The following RLF variants were observed in gnomAD, a reference collection of about 807,000 sequenced individuals.
RLF encodes RLF zinc finger, also known as zinc finger protein Rlf.
Under a neutral mutation model 162.9 loss-of-function variants are expected in RLF, and 7 were observed. The ratio of observed to expected loss-of-function variants is 0.04; its 90% CI spans 0.02 to 0.08. RLF has a LOEUF of 0.08. Ranked by LOEUF, RLF falls within the 10% of genes least tolerant of loss-of-function variation. The pLI is 1.00. For synonymous variants in RLF, 782 were observed against 791.5 expected, an observed-to-expected ratio of 0.99 and a Z score of 0.20; for missense variants, 1,664 against 2,244.7, an observed-to-expected ratio of 0.74 and a Z score of 5.23.
At position 40,217,772 on chromosome 1, in the gene RLF, AAAAG is replaced by A. The variant is rs750970840; in HGVS notation, c.811-4782_811-4779del. On this transcript the variant is annotated intron_variant, in intron 5 of 7. Coordinates refer to ENST00000372771, the MANE Select transcript of RLF (RefSeq NM_012421.4). ...GGGCAACAGAGCAATCCGTCTCAAA[AAAAG>A]AAAGAAAGAAAGAAAGAAAAACCCA... is the stretch of plus-strand genomic sequence containing the variant. Among the ~76,000 whole-genome samples, 67 of 152,240 alleles carry A rather than the reference AAAAG, an allele frequency of 4.4e-4. 2 individuals are homozygous for A. Among genetic ancestry groups the A allele is most frequent in the South Asian group, 3.5e-3 (17 of 4,824 alleles).
At chr1:40,178,246 C>G (rs1477179986) in intron 1 of RLF, among the ~76,000 whole-genome samples, 2 of 151,990 alleles carry the variant, frequency 1.3e-5, no homozygotes, top group African/African-American at 2.4e-5. Flanking sequence ...GTGTCTCATT[C>G]TGGATTCTAT....
At chr1:40,235,139 T>C (rs1643201075) in intron 7 of RLF, among the ~76,000 whole-genome samples, 2 of 142,858 alleles carry the variant, frequency 1.4e-5, no homozygotes, top group South Asian at 4.7e-4. Flanking sequence ...TTGGCTAAAC[T>C]GCAACCTCCA....
At chr1:40,196,935 G>C (rs1642646095) in intron 4 of RLF, among the ~76,000 whole-genome samples, 1 of 152,200 alleles carries the variant, frequency 6.6e-6, no homozygotes, top group Non-Finnish European at 1.5e-5. Context: ...TTTACGTCAA[G>C]TTAGTGGAAA....
At position 40,238,221 on chromosome 1, in the gene RLF, G is replaced by T; in HGVS notation, c.3519G>T (p.Gln1173His). Residue 1173 changes from glutamine (Q) to histidine (H), a missense_variant, in exon 8 of 8, where the codon CAG (glutamine) becomes CAT (histidine). By Grantham distance (24) the Gln-to-His change is conservative. Coordinates refer to ENST00000372771, the MANE Select transcript of RLF (RefSeq NM_012421.4). The surrounding 1 kb of genome is among the most constrained non-coding windows in gnomAD (Gnocchi z 5.2). ...TMFQHRYSPFQCHICQRSFTR... is the reference protein window; with the variant it reads ...TMFQHRYSPFHCHICQRSFTR... ...TCCAACATCGGTATTCCCCATTTCA[G>T]TGTCATATTTGCCAAAGGTCATTTA... 6.2e-7 allele frequency: 1 copy of T among 1,614,070 alleles called. No homozygotes were observed. The highest frequency in any genetic ancestry group is 1.1e-5 in the South Asian group (1 of 91,086).
rs972958647 is a variant in RLF, at chr1:40,240,093, A to G, written c.5391A>G (p.Thr1797=). 4 of 1,613,982 alleles carry G rather than the reference A, an allele frequency of 2.5e-6. No homozygotes were observed. In the African/African-American group the frequency reaches 4.0e-5, roughly 16 times the overall value. ...ATTGGGAGCCTTCAGAGCACTTAACATTAAGTAATTCTTCACAGTCCAGTA... is the reference window on the plus strand; with the variant it reads ...ATTGGGAGCCTTCAGAGCACTTAACGTTAAGTAATTCTTCACAGTCCAGTA... ...FDDWEPSEHL[T]LSNSSQSSND... is the part of the protein sequence containing the mutation. The change falls in exon 8 of 8, where the codon ACA becomes ACG. Residue 1797 remains threonine (T), a synonymous_variant. Coordinates refer to ENST00000372771, the MANE Select transcript of RLF (RefSeq NM_012421.4).
At chr1:40,193,378 C>CT (rs1327552876) in intron 3 of RLF, among the ~76,000 whole-genome samples, 2 of 152,082 alleles carry the variant, frequency 1.3e-5, no homozygotes, top group Admixed American at 1.3e-4. Context: ...GTATTTTGAA[C>CT]TTTAACAAAT....
chr1:40,221,349 A>G (rs1034335191), intron 5 of RLF, among the ~76,000 whole-genome samples: 1 of 152,130 alleles, frequency 6.6e-6, no homozygotes, highest in African/African-American at 2.4e-5. Flanking sequence ...ATACAGTAAA[A>G]CTTATTTGAA....
intron 1 of RLF, among the ~76,000 whole-genome samples, chr1:40,165,266 TCTTTA>T (rs1395629293): frequency 2.6e-5 from 4 of 152,224 alleles, no homozygotes; most frequent in Non-Finnish European, 4.4e-5. Context: ...ATTCAGGAGT[TCTTTA>T]CTTGGAGTCA....
intron 6 of RLF, among the ~76,000 whole-genome samples, chr1:40,230,745 G>T (rs1643142596): frequency 6.6e-6 from 1 of 152,022 alleles, no homozygotes; most frequent in Non-Finnish European, 1.5e-5. Flanking sequence ...CCTCTTTTTA[G>T]TTTTGCTATT....
In RLF at chr1:40,202,435, G is replaced by A. The variant is rs1190110523; in HGVS notation, c.631G>A (p.Gly211Arg). The change falls in exon 5 of 8, where the codon GGA (glycine) becomes AGA (arginine). Residue 211 changes from glycine to arginine, a missense_variant. Gly to Arg is a moderately radical substitution (Grantham distance 125). Transcript: ENST00000372771. The part of the protein sequence containing the change: ...EEVNKLIAQE[G>R]PSFLQMRIKH... ...AGTCAATAAATTGATTGCACAAGAAGGACCTTCCTTTCTGCAAATGCGAAT... is the reference window on the plus strand; with the variant it reads ...AGTCAATAAATTGATTGCACAAGAAAGACCTTCCTTTCTGCAAATGCGAAT... 1 of 1,575,044 alleles carries A rather than the reference G, an allele frequency of 6.3e-7. No homozygotes were observed. The highest frequency in any genetic ancestry group is 1.4e-5 in the African/African-American group (1 of 72,254).
intron 1 of RLF, among the ~76,000 whole-genome samples, chr1:40,171,075 A>G (rs997995394): frequency 2.0e-5 from 3 of 152,140 alleles, no homozygotes; most frequent in African/African-American, 7.2e-5. Flanking sequence ...TGCTCAGGCT[A>G]GAATGCAGTG....
At chr1:40,194,105 T>G (rs2124537559) in intron 3 of RLF, among the ~76,000 whole-genome samples, 1 of 152,284 alleles carries the variant, frequency 6.6e-6, no homozygotes, top group Middle Eastern at 3.4e-3. Flanking sequence ...CCCTCACCCT[T>G]GAATATAAGA....
At chr1:40,203,535 C>T (rs937593979) in intron 5 of RLF, among the ~76,000 whole-genome samples, 1 of 150,600 alleles carries the variant, frequency 6.6e-6, no homozygotes, top group African/African-American at 2.5e-5. Context: ...AAGAGTGAGA[C>T]TCCATCTCAA....
At chr1:40,185,106 G>C (rs567985960) in intron 1 of RLF, among the ~76,000 whole-genome samples, 66 of 152,104 alleles carry the variant, frequency 4.3e-4, no homozygotes, top group Non-Finnish European at 7.8e-4. Context: ...GCTGGGCATG[G>C]TGATGCACTT....
intron 6 of RLF, among the ~76,000 whole-genome samples, chr1:40,225,248 G>A (rs1199153954): frequency 3.9e-5 from 6 of 152,108 alleles, no homozygotes. Context: ...TCATTCTTGA[G>A]TGTAGTTACC....
At position 40,237,605 on chromosome 1, in the gene RLF, C is replaced by T. The variant is rs1643233449; in HGVS notation, c.2903C>T (p.Ala968Val). ...GGCTGTGGTTCCACATACAAAAATGCAAGAGGAATGCAGAAACATTTACGG... is the reference window on the plus strand; with the variant it reads ...GGCTGTGGTTCCACATACAAAAATGTAAGAGGAATGCAGAAACATTTACGG... ...FDGCGSTYKNARGMQKHLRKV... is the reference protein window; with the variant it reads ...FDGCGSTYKNVRGMQKHLRKV... The change falls in exon 8 of 8, where the codon GCA becomes GTA. Residue 968 changes from alanine to valine, a missense_variant. Ala to Val is a moderately conservative substitution (Grantham distance 64). Coordinates refer to ENST00000372771, the MANE Select transcript of RLF (RefSeq NM_012421.4). The surrounding 1 kb of genome is among the most constrained non-coding windows in gnomAD (Gnocchi z 4.4). 2 of 1,614,086 alleles carry T rather than the reference C, an allele frequency of 1.2e-6. No individual in the cohort carries two copies.
At chr1:40,165,786 C>A (rs986813169) in intron 1 of RLF, among the ~76,000 whole-genome samples, 3 of 152,192 alleles carry the variant, frequency 2.0e-5, no homozygotes, top group East Asian at 1.9e-4. Flanking sequence ...ATTCCTCCCC[C>A]CCCTCCGCCA....
Position 40,236,913 on chromosome 1 carries a change from T to G in RLF, c.2211T>G (p.Cys737Trp), listed in dbSNP as rs376831117. ...FHLREHEQVH[C>W]GPQPYMCVSI... ...TTCGAGAGCACGAACAAGTGCATTGTGGGCCTCAGCCTTATATGTGTGTAT... is the reference window on the plus strand; with the variant it reads ...TTCGAGAGCACGAACAAGTGCATTGGGGGCCTCAGCCTTATATGTGTGTAT... The change falls in exon 8 of 8, where the codon TGT becomes TGG. Residue 737 changes from cysteine to tryptophan, a missense_variant. Around this residue, in one of 15 missense-constraint regions of RLF, gnomAD observed 69 missense variants for 206.4 expected, o/e 0.33. Coordinates refer to ENST00000372771, the MANE Select transcript of RLF (RefSeq NM_012421.4). This position sits in a 1 kb window ranked among gnomAD's most constrained non-coding sequence, Gnocchi z 7.7. 19 of 1,614,102 alleles carry G rather than the reference T, an allele frequency of 1.2e-5. No homozygotes were observed. Among genetic ancestry groups the G allele is most frequent in the Non-Finnish European group, 1.5e-5 (18 of 1,180,034 alleles).
At chr1:40,182,317 C>A (rs927627479) in intron 1 of RLF, among the ~76,000 whole-genome samples, 2 of 152,102 alleles carry the variant, frequency 1.3e-5, no homozygotes, top group Non-Finnish European at 2.9e-5. Flanking sequence ...GCCTGTAATC[C>A]CAGCTACTTA....
Sources: allele counts gnomAD v4.1 joint callset (sites outside exome capture counted in the v4.1 genomes callset), GRCh38; gene constraint gnomAD v4.1.1; regional missense constraint gnomAD v4.1.1; non-coding constraint Gnocchi (gnomAD v3.1); transcripts MANE v1.5; gene names NCBI Gene and HGNC (gene_info 2026-07-23, HGNC 2026-07-21).